SASH1: variants seen among roughly 807,000 people sequenced by gnomAD.
SASH1 encodes SAM and SH3 domain-containing protein 1.
In SASH1, 44 loss-of-function variants were observed where a neutral mutation model predicts 125.2. That is an observed-to-expected ratio of 0.35 (90% confidence interval 0.28 to 0.45). SASH1 has a LOEUF of 0.45. Ranked by LOEUF, SASH1 falls within the 20% of genes least tolerant of loss-of-function variation. The pLI is 1.00. For synonymous variants in SASH1, 639 were observed against 649.1 expected (o/e 0.98, Z 0.24); for missense variants, 1,426 against 1,614.5 (o/e 0.88, Z 2.00).
At chr6:148,435,579 C>G (rs1776260910) in intron 2 of SASH1, among the ~76,000 whole-genome samples, 1 of 151,952 alleles carries the variant, frequency 6.6e-6, no homozygotes, top group African/African-American at 2.4e-5. Flanking sequence ...AGGAAGGAGT[C>G]AAATTCTTGG....
intron 1 of SASH1, among the ~76,000 whole-genome samples, chr6:148,279,478 C>T (rs773608632): frequency 2.6e-5 from 4 of 152,152 alleles, no homozygotes; most frequent in Admixed American, 2.0e-4. Flanking sequence ...TCAGCTATCC[C>T]GTTAGGTTCT....
At chr6:148,488,496 A>G (rs1778969382) in intron 8 of SASH1, among the ~76,000 whole-genome samples, 1 of 152,232 alleles carries the variant, frequency 6.6e-6, no homozygotes, top group South Asian at 2.1e-4. Flanking sequence ...GTTCTTTTGC[A>G]CATACCTAGC....
chr6:148,502,046 A>G (rs1463909240), intron 8 of SASH1, among the ~76,000 whole-genome samples: 2 of 152,224 alleles, frequency 1.3e-5, no homozygotes, highest in East Asian at 3.8e-4. Flanking sequence ...AAGGAATGGT[A>G]ATATTACCTC....
intron 2 of SASH1, among the ~76,000 whole-genome samples, chr6:148,413,935 C>T (rs191705157): frequency 5.9e-5 from 9 of 152,098 alleles, no homozygotes; most frequent in Non-Finnish European, 8.8e-5. Context: ...AATCACTCCT[C>T]CCTTTTATGA....
intron 1 of SASH1, among the ~76,000 whole-genome samples, chr6:148,300,987 C>T (rs117164999): frequency 0.037 from 5,628 of 152,070 alleles, 246 homozygotes; most frequent in South Asian, 0.17. Flanking sequence ...GGCAGTCTTG[C>T]TCTGTCATCC....
At chr6:148,487,129 ATG>A (rs1554263545) in intron 7 of SASH1, among the ~76,000 whole-genome samples, 1 of 146,376 alleles carries the variant, frequency 6.8e-6, no homozygotes, top group African/African-American at 2.5e-5. Flanking sequence ...ATATATATAT[ATG>A]TGTATGTTTC....
rs1375265580 is a variant in SASH1, at chr6:148,342,915, C to G, written c.-153C>G. On this transcript the variant is annotated 5_prime_UTR_variant, in exon 1 of 20. Coordinates refer to ENST00000367467, the MANE Select transcript of SASH1 (RefSeq NM_015278.5). The stretch of plus-strand genomic sequence containing the variant: ...GGTGCGGGCGCCTGCGAAGGGCCCC[C>G]GCGGGGTGGCCGGGGCCGCCGGGGC... 7.8e-6 allele frequency: 5 copies of G among 641,638 alleles called. No homozygotes were observed. Among genetic ancestry groups the G allele is most frequent in the African/African-American group, 5.9e-5 (3 of 50,612 alleles). The allele number at this position is 641,638 out of a possible 1,614,324, so 39.7% of individuals were successfully genotyped here.
At chr6:148,202,646 G>A in the SASH1 span, among the ~76,000 whole-genome samples, 1 of 152,214 alleles carries the variant, frequency 6.6e-6, no homozygotes, top group African/African-American at 2.4e-5. Flanking sequence ...CTTATTATAG[G>A]AATTTCTGGG....
rs909058961 is a variant in SASH1, at chr6:148,358,166, T to C, written c.156+14943T>C. On this transcript the variant is annotated intron_variant, in intron 1 of 19. Coordinates refer to ENST00000367467, the MANE Select transcript of SASH1 (RefSeq NM_015278.5). The stretch of plus-strand genomic sequence containing the variant: ...AAGATTTGAAGACACATAAACCTGT[T>C]ATTTGTACACCTGCAGACAGACTTG... 7.2e-5 allele frequency among the ~76,000 whole-genome samples: 11 copies of C among 152,064 alleles called. 1 individual carries two copies. The highest frequency in any genetic ancestry group is 1.5e-4 in the Non-Finnish European group (10 of 68,028).
chr6:148,433,595 AG>A (rs1776155984), intron 2 of SASH1, among the ~76,000 whole-genome samples: 1 of 151,728 alleles, frequency 6.6e-6, no homozygotes, highest in African/African-American at 2.4e-5. Context: ...CAGTAGAGAC[AG>A]GGTTTCAGTA....
At chr6:148,305,679 C>T (rs907675851) in intron 1 of SASH1, among the ~76,000 whole-genome samples, 5 of 150,582 alleles carry the variant, frequency 3.3e-5, no homozygotes, top group African/African-American at 9.8e-5. Flanking sequence ...ATCTCTCTTT[C>T]AGTCAGGATT....
intron 1 of SASH1, among the ~76,000 whole-genome samples, chr6:148,368,283 T>A (rs1294144633): frequency 6.6e-6 from 1 of 152,146 alleles, no homozygotes; most frequent in Non-Finnish European, 1.5e-5. Context: ...TCTTTTTTCT[T>A]TTTTTGTTTT....
intron 2 of SASH1, among the ~76,000 whole-genome samples, chr6:148,408,383 G>A (rs1386942283): frequency 6.6e-6 from 1 of 152,056 alleles, no homozygotes; most frequent in African/African-American, 2.4e-5. Flanking sequence ...TGGGATTACA[G>A]GTGTGAGCCA....
the SASH1 span, among the ~76,000 whole-genome samples, chr6:148,253,234 G>A: frequency 6.6e-6 from 1 of 152,328 alleles, no homozygotes; most frequent in Admixed American, 6.5e-5. Flanking sequence ...ATATAGATCA[G>A]TGGAATCAAA....
At chr6:148,469,570 C>T (rs1051624905) in intron 5 of SASH1, among the ~76,000 whole-genome samples, 2 of 151,792 alleles carry the variant, frequency 1.3e-5, no homozygotes, top group African/African-American at 4.8e-5. Flanking sequence ...CTTTCTCTAC[C>T]AAAAATTTAA....
upstream of SASH1, among the ~76,000 whole-genome samples, chr6:148,269,238 G>A (rs1779005665): frequency 6.6e-6 from 1 of 152,188 alleles, no homozygotes; most frequent in African/African-American, 2.4e-5. Context: ...AGCAAGAACA[G>A]AGCTATGGGC....
chr6:148,408,680 G>A (rs1270133523), intron 2 of SASH1, among the ~76,000 whole-genome samples: 1 of 152,072 alleles, frequency 6.6e-6, no homozygotes, highest in African/African-American at 2.4e-5. Context: ...TAATTCTGAT[G>A]GAGTTCAGTT....
chr6:148,402,374 G>A (rs374579828), intron 2 of SASH1, among the ~76,000 whole-genome samples: 12 of 152,140 alleles, frequency 7.9e-5, no homozygotes, highest in South Asian at 2.1e-4. Context: ...GAAGTGGTGC[G>A]ATCTCAGCTC....
chr6:148,446,258 G>T (rs546094178), intron 4 of SASH1, among the ~76,000 whole-genome samples: 1 of 151,744 alleles, frequency 6.6e-6, no homozygotes, highest in Non-Finnish European at 1.5e-5. Context: ...ACAGGTGCCC[G>T]CCATCATGCC....
Sources: allele counts gnomAD v4.1 joint callset (sites outside exome capture counted in the v4.1 genomes callset), GRCh38; gene constraint gnomAD v4.1.1; transcripts MANE v1.5; gene names NCBI Gene and HGNC (gene_info 2026-07-23, HGNC 2026-07-21).